KHDRBS2: variants seen among roughly 807,000 people sequenced by gnomAD.
The protein encoded by KHDRBS2 is KH domain-containing, RNA-binding, signal transduction-associated protein 2.
In KHDRBS2, 26 loss-of-function variants were observed where a neutral mutation model predicts 44.3. The observed-to-expected ratio is 0.59, with a 90% CI of 0.43 to 0.81. KHDRBS2 has a LOEUF of 0.81. Among genes scored for constraint, KHDRBS2 ranks in the 40% least tolerant of loss-of-function variants. The pLI, the probability that KHDRBS2 is intolerant of heterozygous loss-of-function variation, is 0.00. For missense variants in KHDRBS2, 476 were observed against 433.1 expected, an observed-to-expected ratio of 1.10 and a Z score of -0.88; for synonymous variants, 194 against 151.1, an observed-to-expected ratio of 1.28 and a Z score of -2.08.
intron 6 of KHDRBS2, among the ~76,000 whole-genome samples, chr6:61,782,462 G>A (rs891357622): frequency 4.0e-5 from 6 of 151,704 alleles, no homozygotes; most frequent in African/African-American, 1.5e-4. Flanking sequence ...TTACGTGGAA[G>A]TTTAATATGA....
intron 6 of KHDRBS2, among the ~76,000 whole-genome samples, chr6:61,854,211 T>G (rs1259659990): frequency 1.3e-5 from 2 of 152,176 alleles, no homozygotes; most frequent in African/African-American, 4.8e-5. Flanking sequence ...ACTTGAAATT[T>G]TTTTTCTGTC....
chr6:61,892,452 T>A (rs1263792691), intron 6 of KHDRBS2, among the ~76,000 whole-genome samples: 1 of 152,218 alleles, frequency 6.6e-6, no homozygotes, highest in Non-Finnish European at 1.5e-5. Context: ...AAGTCAATCC[T>A]AAGCCAAAAG....
chr6:62,000,609 T>G (rs1457217772), intron 3 of KHDRBS2, among the ~76,000 whole-genome samples: 5 of 152,128 alleles, frequency 3.3e-5, no homozygotes, highest in African/African-American at 1.2e-4. Flanking sequence ...TTTACAGATG[T>G]CCAGTAAAAG....
the KHDRBS2 span, among the ~76,000 whole-genome samples, chr6:61,632,713 C>G: frequency 6.6e-6 from 1 of 152,068 alleles, no homozygotes; most frequent in Non-Finnish European, 1.5e-5. Flanking sequence ...GTTGAAGCTA[C>G]TTCTTCTGGC....
rs144648677 is a variant in KHDRBS2 at position 62,015,501 on chromosome 6, A to C, written c.336+32377T>G. On this transcript the variant is annotated intron_variant, in intron 3 of 8. Coordinates refer to ENST00000281156, the MANE Select transcript of KHDRBS2 (RefSeq NM_152688.4). Reference sequence around the variant, plus strand: ...ATGTAGTCTATATTCCTCTAGTAAAAACATCTTAACCAAAAATGGTCTAGT... The same window carrying C: ...ATGTAGTCTATATTCCTCTAGTAAACACATCTTAACCAAAAATGGTCTAGT... Among the ~76,000 whole-genome samples, 187 of 152,194 alleles carry C rather than the reference A, an allele frequency of 1.2e-3. 2 individuals are homozygous for C. The highest frequency in any genetic ancestry group is 4.2e-3 in the African/African-American group (175 of 41,538).
chr6:61,660,793 A>G, the KHDRBS2 span, among the ~76,000 whole-genome samples: 1 of 151,784 alleles, frequency 6.6e-6, no homozygotes, highest in African/African-American at 2.4e-5. Flanking sequence ...TAATAAAAAA[A>G]GGTGATACTT....
At chr6:62,221,205 C>A (rs1585267280) in intron 1 of KHDRBS2, among the ~76,000 whole-genome samples, 1 of 150,966 alleles carries the variant, frequency 6.6e-6, no homozygotes, top group African/African-American at 2.4e-5. Context: ...ATAAACCAGA[C>A]ATAAAAATAA....
At chr6:62,058,917 TATAAA>T (rs1428739201) in intron 2 of KHDRBS2, among the ~76,000 whole-genome samples, 2 of 151,808 alleles carry the variant, frequency 1.3e-5, no homozygotes, top group African/African-American at 4.8e-5. Context: ...GACATATTTG[TATAAA>T]ATAAAATATG....
At chr6:61,831,791 C>A (rs555816512) in intron 6 of KHDRBS2, among the ~76,000 whole-genome samples, 1 of 151,916 alleles carries the variant, frequency 6.6e-6, no homozygotes, top group South Asian at 2.1e-4. Flanking sequence ...TCAAAATATG[C>A]CAATATAGAA....
At chr6:61,919,623 T>C (rs1807667940) in intron 4 of KHDRBS2, among the ~76,000 whole-genome samples, 1 of 151,912 alleles carries the variant, frequency 6.6e-6, no homozygotes, top group South Asian at 2.1e-4. Context: ...TTTCATTTAG[T>C]GTCTTCCTTC....
intron 2 of KHDRBS2, among the ~76,000 whole-genome samples, chr6:62,090,538 C>T (rs1799300619): frequency 6.6e-6 from 1 of 151,770 alleles, no homozygotes; most frequent in African/African-American, 2.4e-5. Flanking sequence ...CCCAATAACA[C>T]CTAGTGGTTA....
the KHDRBS2 span, among the ~76,000 whole-genome samples, chr6:61,588,047 C>T: frequency 0.025 from 3,757 of 152,144 alleles, 72 homozygotes; most frequent in Middle Eastern, 0.085. Context: ...AGCCAGACAC[C>T]GTGGCAAGCA....
the KHDRBS2 span, among the ~76,000 whole-genome samples, chr6:61,566,664 T>C: frequency 6.6e-6 from 1 of 152,082 alleles, no homozygotes; most frequent in South Asian, 2.1e-4. Flanking sequence ...ACTGTCATAA[T>C]TTCCTCAGTT....
chr6:62,078,437 T>G (rs1796759161), intron 2 of KHDRBS2, among the ~76,000 whole-genome samples: 1 of 152,008 alleles, frequency 6.6e-6, no homozygotes, highest in South Asian at 2.1e-4. Context: ...ATTATTTAAA[T>G]TATCAAATTT....
chr6:61,713,565 G>A (rs1317503152), intron 7 of KHDRBS2, among the ~76,000 whole-genome samples: 1 of 143,640 alleles, frequency 7.0e-6, no homozygotes, highest in Non-Finnish European at 1.5e-5. Flanking sequence ...GAAGTCAGGT[G>A]ATCTGATACC....
At chr6:61,570,107 A>C in the KHDRBS2 span, among the ~76,000 whole-genome samples, 1 of 152,186 alleles carries the variant, frequency 6.6e-6, no homozygotes, top group Non-Finnish European at 1.5e-5. Context: ...AAGAATTCAG[A>C]AAGTTGATTA....
chr6:61,975,156 G>A (rs1583899859), intron 4 of KHDRBS2, among the ~76,000 whole-genome samples: 1 of 152,090 alleles, frequency 6.6e-6, no homozygotes, highest in Middle Eastern at 3.4e-3. Context: ...GGTTATCTTA[G>A]ACAATTACAA....
chr6:62,267,825 AT>A (rs1839447461), intron 1 of KHDRBS2, among the ~76,000 whole-genome samples: 1 of 152,058 alleles, frequency 6.6e-6, no homozygotes, highest in South Asian at 2.1e-4. Context: ...TTAATATCAA[AT>A]CATACATTCA....
intron 2 of KHDRBS2, among the ~76,000 whole-genome samples, chr6:62,104,691 C>G (rs767713753): frequency 4.6e-5 from 7 of 151,054 alleles, no homozygotes; most frequent in Non-Finnish European, 1.0e-4. Flanking sequence ...TATAATAAAA[C>G]AGAAAGTTCT....
Sources: gnomAD v4.1 joint callset for allele counts (sites outside exome capture counted in the v4.1 genomes callset) on GRCh38, gnomAD v4.1.1 for gene constraint, MANE v1.5 for transcripts, NCBI Gene and HGNC (gene_info 2026-07-23, HGNC 2026-07-21) for gene names.